Variants in SLC29A3 observed in about 807,000 individuals in gnomAD.
The protein encoded by SLC29A3 is equilibrative nucleoside transporter 3.
A neutral mutation model predicts 25.4 loss-of-function variants in SLC29A3; 18 were observed. That is an observed-to-expected ratio of 0.71 (90% CI 0.49 to 1.05). The LOEUF (loss-of-function observed/expected upper bound fraction) is 1.05. SLC29A3 is among the 50% of genes least tolerant of loss of function. The probability of loss-of-function intolerance (pLI) is 0.00; values close to 1 mark genes in which losing one functional copy is unlikely to be tolerated. For synonymous variants in SLC29A3, 258 were observed against 267.1 expected, an observed-to-expected ratio of 0.97 and a Z score of 0.33; for missense variants, 586 against 609.0, an observed-to-expected ratio of 0.96 and a Z score of 0.40.
intron 3 of SLC29A3, among the ~76,000 whole-genome samples, chr10:71,369,962 C>T: frequency 6.6e-6 from 1 of 152,176 alleles, no homozygotes; most frequent in East Asian, 1.9e-4. Context: ...GCCCAGAGCA[C>T]ATGCTGGGTA....
intron 2 of SLC29A3, among the ~76,000 whole-genome samples, chr10:71,324,169 T>C (rs1284551817): frequency 6.6e-6 from 1 of 152,168 alleles, no homozygotes; most frequent in Non-Finnish European, 1.5e-5. Flanking sequence ...GCATGAGGGC[T>C]GGAGGATGGA....
chr10:71,378,848 T>C (rs1443101259), intron 4 of SLC29A3, among the ~76,000 whole-genome samples: 1 of 152,214 alleles, frequency 6.6e-6, no homozygotes, highest in Non-Finnish European at 1.5e-5. Flanking sequence ...CTTGTCTCAC[T>C]TCCTCATTCT....
intron 3 of SLC29A3, among the ~76,000 whole-genome samples, chr10:71,375,222 C>T (rs1361769118): frequency 6.6e-6 from 1 of 152,194 alleles, no homozygotes; most frequent in Non-Finnish European, 1.5e-5. Context: ...TAGACATGAG[C>T]ACTGAAGGCT....
rs1381505247 is a variant in SLC29A3 at position 71,381,340 on chromosome 10, A to C, written c.*1786A>C. On this transcript the variant is annotated 3_prime_UTR_variant and NMD_transcript_variant, in exon 5 of 5. Coordinates refer to the SLC29A3 transcript ENST00000642772. Reference sequence around the variant, plus strand: ...TCTTCTCAATTTTCCTGTGAACTTAAAACTACTCTAAAAAAGTTAAGTCTT... The same window carrying C: ...TCTTCTCAATTTTCCTGTGAACTTACAACTACTCTAAAAAAGTTAAGTCTT... 3 of 152,214 alleles carry C rather than the reference A, an allele frequency of 2.0e-5. No homozygotes were observed. In the East Asian group the frequency reaches 5.8e-4, roughly 29 times the overall value. The allele number at this position is 152,214 out of a possible 1,614,324, so 9.4% of individuals were successfully genotyped here.
At position 71,363,295 on chromosome 10, in the gene SLC29A3, G is replaced by T. The variant is rs1042011783; in HGVS notation, c.*687G>T. ...GATCCTCATGACCTGGTGGTCTATG[G>T]CCTGGGTCAAGATGAGGGTCTTTCA... On this transcript the variant is annotated 3_prime_UTR_variant, in exon 6 of 6. Coordinates refer to ENST00000373189, the MANE Select transcript of SLC29A3 (RefSeq NM_018344.6). 6 of 454,000 alleles carry T rather than the reference G, an allele frequency of 1.3e-5. No individual in the cohort carries two copies. The highest frequency in any genetic ancestry group is 2.2e-5 in the Non-Finnish European group (5 of 226,800). The allele number at this position is 454,000 out of a possible 1,614,324, so 28.1% of individuals were successfully genotyped here. A position where few individuals can be genotyped will look rare whatever the true frequency, so the allele number is the denominator to read the frequency against.
intron 2 of SLC29A3, among the ~76,000 whole-genome samples, chr10:71,341,645 C>A (rs999564126): frequency 7.9e-5 from 12 of 152,226 alleles, no homozygotes; most frequent in African/African-American, 2.9e-4. Context: ...CTATCTCTGC[C>A]TAGCAAAATA....
intron 4 of SLC29A3, among the ~76,000 whole-genome samples, chr10:71,379,584 CTCTTTGTTCT>C (rs1182416867): frequency 1.3e-5 from 2 of 152,218 alleles, no homozygotes; most frequent in African/African-American, 4.8e-5. Context: ...AACTAATAGG[CTCTTTGTTCT>C]TCTCTTCTGT....
intron 3 of SLC29A3, among the ~76,000 whole-genome samples, chr10:71,370,791 T>C (rs963899640): frequency 8.5e-5 from 13 of 152,204 alleles, no homozygotes; most frequent in African/African-American, 2.4e-4. Context: ...TAATTTTTTA[T>C]TGATACATAA....
At chr10:71,344,973 CACTGATA>C (rs1356707781) in intron 3 of SLC29A3, among the ~76,000 whole-genome samples, 18 of 152,220 alleles carry the variant, frequency 1.2e-4, no homozygotes, top group Non-Finnish European at 2.9e-5. Context: ...AACCTGAGGT[CACTGATA>C]GCAAATCTGT....
In SLC29A3 at chr10:71,353,207, T is replaced by C. The variant is rs1279146904; in HGVS notation, c.610+1419T>C. 2.6e-5 allele frequency among the ~76,000 whole-genome samples: 4 copies of C among 152,198 alleles called. 1 individual carries two copies. Among genetic ancestry groups the C allele is most frequent in the Admixed American group, 2.6e-4 (4 of 15,274 alleles). On this transcript the variant is annotated intron_variant, in intron 4 of 5. Transcript: ENST00000373189. ...TTCAATCTGTTTGCCATTTCTGAGA[T>C]CAGATTAGGCTTCTGGCTGTATCCT...
intron 4 of SLC29A3, among the ~76,000 whole-genome samples, chr10:71,376,613 TTAAA>T (rs1461755803): frequency 6.6e-6 from 1 of 152,220 alleles, no homozygotes; most frequent in African/African-American, 2.4e-5. Flanking sequence ...TTTGTCAACC[TTAAA>T]TAATAAGATA....
At chr10:71,338,420 G>A (rs1846310116) in intron 2 of SLC29A3, among the ~76,000 whole-genome samples, 1 of 152,190 alleles carries the variant, frequency 6.6e-6, no homozygotes, top group African/African-American at 2.4e-5. Context: ...ATTAGCTAAT[G>A]TATTCCTTTA....
In SLC29A3 at chr10:71,350,312, TAC is replaced by T. The variant is rs1272180965; in HGVS notation, c.384-1249_384-1248del. On this transcript the variant is annotated intron_variant, in intron 3 of 5. Coordinates refer to ENST00000373189, the MANE Select transcript of SLC29A3 (RefSeq NM_018344.6). ...CTTTTCTTGCTCATCATTTCACACC[TAC>T]GTGTGTGTGTGTGTGTGTGTGTGTG... Among the ~76,000 whole-genome samples, 46 of 127,088 alleles carry T rather than the reference TAC, an allele frequency of 3.6e-4. No homozygotes were observed. In the East Asian group the frequency reaches 8.8e-3, roughly 24 times the overall value. 83.4% of individuals were successfully genotyped at this position (127,088 alleles called of 152,430 possible).
At chr10:71,378,098 G>T (rs1021470011) in intron 4 of SLC29A3, among the ~76,000 whole-genome samples, 6 of 134,166 alleles carry the variant, frequency 4.5e-5, no homozygotes, top group South Asian at 2.8e-4. Context: ...ACAATGTTGG[G>T]GGGGGGGGTC....
At chr10:71,377,639 A>G (rs1847263487) in intron 4 of SLC29A3, among the ~76,000 whole-genome samples, 1 of 152,214 alleles carries the variant, frequency 6.6e-6, no homozygotes, top group South Asian at 2.1e-4. Flanking sequence ...CCCTAGAGAG[A>G]GGCGACCTGC....
chr10:71,337,519 TC>T lies in SLC29A3; in HGVS notation c.301-6688del, dbSNP rs565128292. Among the ~76,000 whole-genome samples, 45 of 152,338 alleles carry T rather than the reference TC, an allele frequency of 3.0e-4. 1 individual carries two copies. Among genetic ancestry groups the T allele is most frequent in the South Asian group, 2.1e-3 (10 of 4,826 alleles). ...GCCACCCCCAGGCTTGAATCGCTTT[TC>T]CTCGCCCGCCCGGTAGGAGCCCAGC... is the stretch of plus-strand genomic sequence containing the variant. On this transcript the variant is annotated intron_variant, in intron 2 of 5. Transcript: ENST00000373189.
At chr10:71,358,475 C>T (rs71477537) in intron 5 of SLC29A3, among the ~76,000 whole-genome samples, 7,648 of 152,246 alleles carry the variant, frequency 0.05, 226 homozygotes, top group African/African-American at 0.06. Context: ...TCAGGGCTGT[C>T]ATCAGAAATT....
rs771684605 is a variant in SLC29A3 at position 71,351,764 on chromosome 10, A to G, written c.586A>G (p.Arg196Gly). The G allele has an allele frequency of 1.9e-6, 3 of 1,613,202 alleles. No homozygotes were observed. The highest frequency in any genetic ancestry group is 1.7e-6 in the Non-Finnish European group (2 of 1,179,926). ...IYGMTGSFPM[R>G]NSQALISGGA... The stretch of plus-strand genomic sequence containing the variant: ...CGGCATGACCGGCTCCTTTCCTATG[A>G]GGAACTCCCAGGCACTGATATCAGG... Residue 196 changes from arginine to glycine, a missense_variant, in exon 4 of 6, where the codon AGG (arginine) becomes GGG (glycine). By Grantham distance (125) the Arg-to-Gly change is moderately radical. Transcript: ENST00000373189.
Position 71,363,024 on chromosome 10 carries a change from A to G in SLC29A3, c.*416A>G, listed in dbSNP as rs747045959. On this transcript the variant is annotated 3_prime_UTR_variant, in exon 6 of 6. Coordinates refer to ENST00000373189, the MANE Select transcript of SLC29A3 (RefSeq NM_018344.6). ...TCCAGCTGACAGCGAGATGCAAGCA[A>G]ATGCTCAGCTCTCCTTACCCTGAAG... 2.2e-6 allele frequency: 1 copy of G among 459,992 alleles called. No homozygotes were observed. Among genetic ancestry groups the G allele is most frequent in the South Asian group, 1.5e-5 (1 of 64,534 alleles). 28.5% of individuals were successfully genotyped at this position (459,992 alleles called of 1,614,324 possible). A position where few individuals can be genotyped will look rare whatever the true frequency, so the allele number is the denominator to read the frequency against.
Sources: gnomAD v4.1 joint callset for allele counts (sites outside exome capture counted in the v4.1 genomes callset) on GRCh38, gnomAD v4.1.1 for gene constraint, MANE v1.5 for transcripts, NCBI Gene and HGNC (gene_info 2026-07-23, HGNC 2026-07-21) for gene names.